SLC12A7: variants seen among roughly 807,000 people sequenced by gnomAD.
SLC12A7 encodes solute carrier family 12 member 7.
A neutral mutation model predicts 120.6 loss-of-function variants in SLC12A7; 100 were observed. The ratio of observed to expected loss-of-function variants is 0.83; its 90% CI spans 0.71 to 0.98. The LOEUF (loss-of-function observed/expected upper bound fraction) is 0.98. SLC12A7 is among the 50% of genes least tolerant of loss of function. The pLI is 0.00. For synonymous variants in SLC12A7, 760 were observed against 678.0 expected, an observed-to-expected ratio of 1.12 and a Z score of -1.88; for missense variants, 1,373 against 1,548.1, an observed-to-expected ratio of 0.89 and a Z score of 1.90.
chr5:1,119,367 T>C, the SLC12A7 span, among the ~76,000 whole-genome samples: 2 of 152,212 alleles, frequency 1.3e-5, no homozygotes, highest in Non-Finnish European at 2.9e-5. Flanking sequence ...GAGGACCCCG[T>C]GATCCCACCC....
the SLC12A7 span, among the ~76,000 whole-genome samples, chr5:1,128,524 ATCT>A: frequency 6.6e-6 from 1 of 152,194 alleles, no homozygotes. Flanking sequence ...TCTAGAATTC[ATCT>A]TCTCATAGGG....
chr5:1,081,148 G>A (rs1018454778), intron 9 of SLC12A7, among the ~76,000 whole-genome samples: 3 of 152,066 alleles, frequency 2.0e-5, no homozygotes, highest in Admixed American at 6.6e-5. Context: ...CAGAGACAGA[G>A]AAATGGACAA....
chr5:1,066,805 T>A (rs994206327), intron 17 of SLC12A7, among the ~76,000 whole-genome samples: 2 of 152,104 alleles, frequency 1.3e-5, no homozygotes, highest in Non-Finnish European at 2.9e-5. Context: ...AGGAGGATCC[T>A]CCCGGGAGAC....
At chr5:1,078,620 G>T in intron 11 of SLC12A7, 81 bp downstream of exon 11, 1 of 1,182,026 alleles carries the variant, frequency 8.5e-7, no homozygotes, top group Non-Finnish European at 1.3e-6. Context: ...CTAGGGCGAT[G>T]TAATTTCAAA....
At chr5:1,097,586 C>A (rs1425680933) in intron 1 of SLC12A7, among the ~76,000 whole-genome samples, 1 of 152,208 alleles carries the variant, frequency 6.6e-6, no homozygotes, top group African/African-American at 2.4e-5. Flanking sequence ...AGCGGCCTCA[C>A]GACAAAGCCC....
At position 1,077,823 on chromosome 5, in the gene SLC12A7, C is replaced by T. The variant is rs758818801; in HGVS notation, c.1629+10G>A. On this transcript the variant is annotated intron_variant, in intron 12 of 23. Coordinates refer to ENST00000264930, the MANE Select transcript of SLC12A7 (RefSeq NM_006598.3). ...TTCCAGGGTCCCCCCGACGAGGGTGCGGGACTCACCTGCAGGAAGGGGACG... is the reference window on the plus strand; with the variant it reads ...TTCCAGGGTCCCCCCGACGAGGGTGTGGGACTCACCTGCAGGAAGGGGACG... 6.5e-5 allele frequency: 102 copies of T among 1,572,070 alleles called. No homozygotes were observed. The highest frequency in any genetic ancestry group is 8.1e-5 in the Non-Finnish European group (94 of 1,159,730).
At chr5:1,100,649 G>A (rs922421054) in intron 1 of SLC12A7, among the ~76,000 whole-genome samples, 3 of 152,212 alleles carry the variant, frequency 2.0e-5, no homozygotes, top group Non-Finnish European at 2.9e-5. Flanking sequence ...CCCAGACGCC[G>A]CATGCAGGGA....
At chr5:1,112,198 G>A (rs541442282), upstream of SLC12A7, among the ~76,000 whole-genome samples, 24 of 152,046 alleles carry the variant, frequency 1.6e-4, no homozygotes, top group African/African-American at 5.8e-4. Context: ...GGCTGCGTCT[G>A]TCTGACCGCC....
chr5:1,091,615 A>AC, intron 3 of SLC12A7, among the ~76,000 whole-genome samples: 1 of 151,526 alleles, frequency 6.6e-6, no homozygotes. Flanking sequence ...CATGCGTGAA[A>AC]CCCCAGAAAG....
At chr5:1,137,897 G>T in the SLC12A7 span, among the ~76,000 whole-genome samples, 1 of 152,222 alleles carries the variant, frequency 6.6e-6, no homozygotes, top group Non-Finnish European at 1.5e-5. Context: ...CGCCAGCGCT[G>T]TGGAAGACAC....
At chr5:1,080,995 GAC>G (rs1739004435) in intron 9 of SLC12A7, among the ~76,000 whole-genome samples, 2 of 107,086 alleles carry the variant, frequency 1.9e-5, no homozygotes, top group South Asian at 3.0e-4. Context: ...CAGAGAGAGA[GAC>G]AGAGAGAGAG....
At chr5:1,155,377 T>C in the SLC12A7 span, among the ~76,000 whole-genome samples, 2 of 152,086 alleles carry the variant, frequency 1.3e-5, no homozygotes, top group Admixed American at 1.3e-4. Context: ...GTCTGGACTC[T>C]GCAGCCGCGG....
At position 1,051,521 on chromosome 5, in the gene SLC12A7, G is replaced by A. The variant is rs1170685119; in HGVS notation, c.*839C>T. 6.6e-6 allele frequency: 1 copy of A among 152,424 alleles called. No individual in the cohort carries two copies. The highest frequency in any genetic ancestry group is 2.4e-5 in the African/African-American group (1 of 41,464). The allele number at this position is 152,424 out of a possible 1,614,324, so 9.4% of individuals were successfully genotyped here. On this transcript the variant is annotated 3_prime_UTR_variant, in exon 24 of 24. Coordinates refer to ENST00000264930, the MANE Select transcript of SLC12A7 (RefSeq NM_006598.3). ...AGGCACTGATCGCACCTGTGGCTGT[G>A]GGCTGGGCCCTGTCAGTGCTTATGA... is the stretch of plus-strand genomic sequence containing the variant.
chr5:1,083,827 G>T lies in SLC12A7; in HGVS notation c.1047C>A (p.Ser349Arg), dbSNP rs147924601. Reference protein sequence around the residue: ...WGLFCNGSQPSAACDEYFIQN... With the variant: ...WGLFCNGSQPRAACDEYFIQN... ...GGATGAAGTACTCGTCACAGGCGGC[G>T]CTGGGCTGGGAGCCGTTGCAGAAGA... Residue 349 changes from serine (S) to arginine (R), a missense_variant, in exon 8 of 24, where the codon AGC becomes AGA. Physicochemically the swap from Ser to Arg is moderately radical, Grantham distance 110. Transcript: ENST00000264930. 2.5e-6 allele frequency: 4 copies of T among 1,609,376 alleles called. No individual in the cohort carries two copies. In the Admixed American group the frequency reaches 6.7e-5, roughly 27 times the overall value.
chr5:1,107,712 T>C (rs1201695052), intron 1 of SLC12A7, among the ~76,000 whole-genome samples: 1 of 152,172 alleles, frequency 6.6e-6, no homozygotes, highest in Non-Finnish European at 1.5e-5. Context: ...GAAGGGGATC[T>C]GGTGTCCAAC....
chr5:1,106,802 G>A (rs530527323), intron 1 of SLC12A7, among the ~76,000 whole-genome samples: 5 of 152,340 alleles, frequency 3.3e-5, no homozygotes, highest in Non-Finnish European at 5.9e-5. Context: ...TTTTCTTCCT[G>A]TGTAGAAAGC....
intron 4 of SLC12A7, among the ~76,000 whole-genome samples, chr5:1,088,655 T>G (rs1223397338): frequency 6.6e-6 from 1 of 152,040 alleles, no homozygotes; most frequent in Non-Finnish European, 1.5e-5. Context: ...CTTGGAAGCC[T>G]CAGCCCCCGG....
At chr5:1,059,137 G>A (rs1045933579) in intron 21 of SLC12A7, among the ~76,000 whole-genome samples, 3 of 152,238 alleles carry the variant, frequency 2.0e-5, no homozygotes, top group African/African-American at 7.2e-5. Context: ...GAGGATGTGG[G>A]TCCTCCCAGA....
intron 1 of SLC12A7, among the ~76,000 whole-genome samples, chr5:1,097,679 C>G (rs1218082523): frequency 6.6e-6 from 1 of 152,152 alleles, no homozygotes; most frequent in Non-Finnish European, 1.5e-5. Context: ...AACGCGAGGA[C>G]GCACAGAAAA....
Sources: allele counts gnomAD v4.1 joint callset (sites outside exome capture counted in the v4.1 genomes callset), GRCh38; gene constraint gnomAD v4.1.1; transcripts MANE v1.5; gene names NCBI Gene and HGNC (gene_info 2026-07-23, HGNC 2026-07-21).